The following GRID2 variants were observed in gnomAD, a reference collection of about 807,000 sequenced individuals.
GRID2 encodes glutamate receptor ionotropic, delta-2.
In GRID2, 33 loss-of-function variants were observed where a neutral mutation model predicts 114.8. The observed-to-expected ratio is 0.29, with a 90% CI of 0.22 to 0.38. The LOEUF (loss-of-function observed/expected upper bound fraction) is 0.38, where lower values mean the gene tolerates loss of function less well. Ranked by LOEUF, GRID2 falls within the 10% of genes least tolerant of loss-of-function variation. The pLI, the probability that GRID2 is intolerant of heterozygous loss-of-function variation, is 1.00. For synonymous variants in GRID2, 505 were observed against 449.9 expected (o/e 1.12, Z -1.55); for missense variants, 1,184 against 1,257.7 (o/e 0.94, Z 0.89).
chr4:93,361,392 A>C (rs2149275257), intron 8 of GRID2, among the ~76,000 whole-genome samples: 1 of 151,912 alleles, frequency 6.6e-6, no homozygotes, highest in East Asian at 1.9e-4. Context: ...TCTCTTGTTA[A>C]ATTTGCTCAG....
intron 1 of GRID2, among the ~76,000 whole-genome samples, chr4:92,548,465 G>A (rs1028986654): frequency 5.2e-5 from 7 of 134,672 alleles, no homozygotes; most frequent in East Asian, 2.2e-4. Flanking sequence ...TCTGTGGAGC[G>A]ATTTTGGCTC....
intron 13 of GRID2, among the ~76,000 whole-genome samples, chr4:93,541,696 T>G (rs1578221272): frequency 6.6e-6 from 1 of 152,222 alleles, no homozygotes; most frequent in African/African-American, 2.4e-5. Context: ...GAAAACTTTA[T>G]GCAGTACGGT....
chr4:92,421,112 A>C (rs1018129935), intron 1 of GRID2, among the ~76,000 whole-genome samples: 5 of 151,996 alleles, frequency 3.3e-5, no homozygotes, highest in African/African-American at 7.2e-5. Flanking sequence ...TAGTTTCCAA[A>C]TGCTGCACCT....
At chr4:92,926,033 T>C (rs1749782863) in intron 2 of GRID2, among the ~76,000 whole-genome samples, 1 of 152,060 alleles carries the variant, frequency 6.6e-6, no homozygotes, top group Admixed American at 6.6e-5. Flanking sequence ...ACATCAACAG[T>C]TGTCTGAGAC....
intron 10 of GRID2, among the ~76,000 whole-genome samples, chr4:93,455,148 ACT>A (rs1723067531): frequency 1.3e-5 from 2 of 152,094 alleles, no homozygotes; most frequent in Non-Finnish European, 2.9e-5. Flanking sequence ...TGCTATAAAA[ACT>A]CTAACAAATC....
intron 8 of GRID2, among the ~76,000 whole-genome samples, chr4:93,313,552 T>C (rs1346083475): frequency 6.6e-6 from 1 of 152,218 alleles, no homozygotes; most frequent in East Asian, 1.9e-4. Flanking sequence ...TACTCTTTTA[T>C]TAACCAGAGG....
intron 1 of GRID2, among the ~76,000 whole-genome samples, chr4:92,474,882 C>A (rs1368248684): frequency 7.0e-6 from 1 of 143,570 alleles, no homozygotes; most frequent in Admixed American, 7.3e-5. Context: ...TGGATATTAA[C>A]CTCTTATCAA....
At chr4:93,145,644 CTTTTTTTTTTTTTTT>C (rs10605313) in intron 4 of GRID2, among the ~76,000 whole-genome samples, 1 of 45,702 alleles carries the variant, frequency 2.2e-5, no homozygotes, top group Non-Finnish European at 3.6e-5. Context: ...TTCTTTTTTC[CTTTTTTTTTTTTTTT>C]TTTTTTTTTT....
At chr4:92,886,688 C>T (rs1039215675) in intron 2 of GRID2, among the ~76,000 whole-genome samples, 3 of 152,100 alleles carry the variant, frequency 2.0e-5, no homozygotes, top group South Asian at 2.1e-4. Context: ...CGCAGCGGAG[C>T]GATTTAGGCT....
At chr4:92,717,958 A>G (rs975635698) in intron 2 of GRID2, among the ~76,000 whole-genome samples, 1 of 152,156 alleles carries the variant, frequency 6.6e-6, no homozygotes, top group Admixed American at 6.5e-5. Context: ...TTAAATTTTT[A>G]TAGAGAAATA....
rs1310725981 is a variant in GRID2, at chr4:93,781,343, A to AGGGGCTGCGGTGAGACCTG, written c.221+11893_221+11894insGGGGCTGCGGTGAGACCTG. Among the ~76,000 whole-genome samples, 39 of 151,394 alleles carry AGGGGCTGCGGTGAGACCTG rather than the reference A, an allele frequency of 2.6e-4. 3 individuals are homozygous for AGGGGCTGCGGTGAGACCTG. The highest frequency in any genetic ancestry group is 1.5e-4 in the Non-Finnish European group (10 of 67,744). ...ATGCCACTGGGCTGCGGTGAGGCCC[A>AGGGGCTGCGGTGAGACCTG]CTGGGCTGCGGTGAGGGGCTGCGGT... On this transcript the variant is annotated intron_variant, in intron 1 of 1. Transcript: ENST00000637838.
chr4:93,377,450 C>G (rs1031462175), intron 8 of GRID2, among the ~76,000 whole-genome samples: 1 of 152,050 alleles, frequency 6.6e-6, no homozygotes, highest in African/African-American at 2.4e-5. Flanking sequence ...AGAGCAGGCT[C>G]TGGTTGAAGG....
intron 1 of GRID2, among the ~76,000 whole-genome samples, chr4:92,569,888 A>T (rs1440979855): frequency 1.3e-5 from 2 of 151,736 alleles, no homozygotes; most frequent in African/African-American, 4.8e-5. Flanking sequence ...GATTGCAAAA[A>T]CTTTCTCCCA....
intron 4 of GRID2, among the ~76,000 whole-genome samples, chr4:93,150,745 G>GA: frequency 6.6e-6 from 1 of 151,976 alleles, no homozygotes; most frequent in East Asian, 1.9e-4. Flanking sequence ...TCTTTGTCCT[G>GA]AACCCTGGAC....
intron 13 of GRID2, among the ~76,000 whole-genome samples, chr4:93,579,448 AG>A (rs1410362286): frequency 6.6e-6 from 1 of 152,040 alleles, no homozygotes; most frequent in African/African-American, 2.4e-5. Flanking sequence ...TTAACCATAT[AG>A]GGAAATGACC....
At chr4:93,710,920 A>C (rs561675033) in intron 14 of GRID2, among the ~76,000 whole-genome samples, 18 of 152,204 alleles carry the variant, frequency 1.2e-4, no homozygotes, top group African/African-American at 4.3e-4. Flanking sequence ...TTCAAGGCCT[A>C]AGGGCTCTTC....
At chr4:92,493,851 A>T (rs1723264276) in intron 1 of GRID2, among the ~76,000 whole-genome samples, 1 of 152,186 alleles carries the variant, frequency 6.6e-6, no homozygotes, top group Non-Finnish European at 1.5e-5. Flanking sequence ...TAAAGCAATC[A>T]GTTAAACACT....
At chr4:92,966,119 C>G (rs1343287052) in intron 2 of GRID2, among the ~76,000 whole-genome samples, 1 of 151,832 alleles carries the variant, frequency 6.6e-6, no homozygotes, top group Non-Finnish European at 1.5e-5. Context: ...CCACGCTATG[C>G]AAGACATTCT....
At chr4:92,479,460 A>G (rs548869094) in intron 1 of GRID2, among the ~76,000 whole-genome samples, 15 of 152,272 alleles carry the variant, frequency 9.9e-5, no homozygotes, top group African/African-American at 3.4e-4. Context: ...TTTTTTAACT[A>G]TATTAATCAA....
Sources: allele counts gnomAD v4.1 joint callset (sites outside exome capture counted in the v4.1 genomes callset), GRCh38; gene constraint gnomAD v4.1.1; transcripts MANE v1.5; gene names NCBI Gene and HGNC (gene_info 2026-07-23, HGNC 2026-07-21).